The following STIM1 variants were observed in gnomAD, a reference collection of about 807,000 sequenced individuals.
The protein encoded by STIM1 is stromal interaction molecule 1.
STIM1 carries 25 observed loss-of-function variants against 74.7 expected under a neutral mutation model. That is an observed-to-expected ratio of 0.33 (90% CI 0.24 to 0.47). STIM1 has a LOEUF of 0.47. Ranked by LOEUF, STIM1 falls within the 20% of genes least tolerant of loss-of-function variation. STIM1 has a pLI of 1.00. For missense variants in STIM1, 728 were observed against 920.8 expected (o/e 0.79, Z 2.71); for synonymous variants, 328 against 348.8 (o/e 0.94, Z 0.66).
intron 2 of STIM1, among the ~76,000 whole-genome samples, chr11:3,970,910 G>T (rs1413748964): frequency 2.0e-5 from 3 of 152,128 alleles, no homozygotes; most frequent in Non-Finnish European, 4.4e-5. Flanking sequence ...AATAAAATGA[G>T]TGTAGCAAAA....
chr11:3,900,566 G>T (rs1045349497), intron 1 of STIM1, among the ~76,000 whole-genome samples: 3 of 152,262 alleles, frequency 2.0e-5, no homozygotes, highest in Middle Eastern at 3.4e-3. Context: ...GTTCCTATTC[G>T]GCCATCTTGG....
intron 7 of STIM1, 91 bp from the exon 8 acceptor site, chr11:4,082,093 C>A: frequency 7.6e-7 from 1 of 1,308,526 alleles, no homozygotes; most frequent in Non-Finnish European, 1.1e-6. Context: ...AGTTGTAAAG[C>A]AGATAAGAAG....
At chr11:3,908,637 G>T (rs1452350490) in intron 1 of STIM1, among the ~76,000 whole-genome samples, 1 of 151,040 alleles carries the variant, frequency 6.6e-6, no homozygotes, top group African/African-American at 2.4e-5. Context: ...TATTTGCCAA[G>T]ATTGCATGGC....
At chr11:4,057,869 CAAAAAAA>C (rs530122383) in intron 4 of STIM1, among the ~76,000 whole-genome samples, 1 of 58,614 alleles carries the variant, frequency 1.7e-5, no homozygotes, top group African/African-American at 6.5e-5. Context: ...GACTCCGTCT[CAAAAAAA>C]AAAAAAAAAA....
intron 1 of STIM1, among the ~76,000 whole-genome samples, chr11:3,921,446 G>T (rs1432938445): frequency 6.6e-6 from 1 of 152,168 alleles, no homozygotes; most frequent in Non-Finnish European, 1.5e-5. Flanking sequence ...ATAGTCAAAA[G>T]ATACCTGGAC....
rs138648491 is a variant in STIM1, at chr11:4,083,751, T to G, written c.1474+253T>G. On this transcript the variant is annotated intron_variant, in intron 10 of 12. Transcript: ENST00000526596. ...GCTAAGTGTGTCTCCCTTCATTCTT[T>G]TTCACTTTATTGTCCCTAACTACCA... The G allele has an allele frequency of 1.9e-3, 965 of 510,372 alleles. 4 individuals carry two copies. The highest frequency in any genetic ancestry group is 2.6e-3 in the Non-Finnish European group (741 of 284,468). 31.6% of individuals were successfully genotyped at this position (510,372 alleles called of 1,614,324 possible).
chr11:3,985,965 C>G (rs556542979), intron 2 of STIM1, among the ~76,000 whole-genome samples: 1 of 152,286 alleles, frequency 6.6e-6, no homozygotes, highest in Non-Finnish European at 1.5e-5. Flanking sequence ...TTCTTGTGTT[C>G]TTCTCCTCAC....
chr11:4,068,349 T>G (rs917774062), intron 5 of STIM1, among the ~76,000 whole-genome samples: 1 of 152,208 alleles, frequency 6.6e-6, no homozygotes, highest in Non-Finnish European at 1.5e-5. Flanking sequence ...CATGGAGTCT[T>G]GTTTGAATAA....
At chr11:4,042,064 G>A (rs2132999259) in intron 3 of STIM1, among the ~76,000 whole-genome samples, 1 of 152,322 alleles carries the variant, frequency 6.6e-6, no homozygotes, top group Middle Eastern at 3.4e-3. Flanking sequence ...GCTTCGTCTG[G>A]AGGCACCACA....
rs2093343492 is a variant in STIM1, at chr11:3,966,694, C to G, written c.140-858C>G. ...CAAAATACCTTTTTCAAATAGTGAC[C>G]TTGAGGCCTGGAGAAGAGAAATGAC... is the stretch of plus-strand genomic sequence containing the variant. On this transcript the variant is annotated intron_variant, in intron 1 of 12. Coordinates refer to ENST00000526596, the MANE Select transcript of STIM1 (RefSeq NM_001382567.1). 2.0e-5 allele frequency among the ~76,000 whole-genome samples: 3 copies of G among 152,240 alleles called. No homozygotes were observed. The South Asian group carries it at 6.2e-4, about 32-fold the overall frequency.
intron 2 of STIM1, among the ~76,000 whole-genome samples, chr11:3,987,836 C>T (rs2093571567): frequency 6.8e-6 from 1 of 147,280 alleles, no homozygotes; most frequent in South Asian, 2.1e-4. Context: ...CACACACACA[C>T]ACACACAGTG....
At chr11:4,006,544 A>G (rs1026329007) in intron 2 of STIM1, among the ~76,000 whole-genome samples, 4 of 152,170 alleles carry the variant, frequency 2.6e-5, no homozygotes, top group Non-Finnish European at 5.9e-5. Context: ...CCTCCCAGGT[A>G]GCTGGGATTA....
At chr11:4,012,921 G>A (rs1192145302) in intron 2 of STIM1, among the ~76,000 whole-genome samples, 1 of 152,182 alleles carries the variant, frequency 6.6e-6, no homozygotes, top group Non-Finnish European at 1.5e-5. Flanking sequence ...TTTATTGAGA[G>A]TGTTTAGCAT....
rs2091450186 is a variant in STIM1 at position 3,880,178 on chromosome 11, TGA to T, written c.139+23774_139+23775del. Among the ~76,000 whole-genome samples the T allele has an allele frequency of 2.0e-5, 3 of 152,356 alleles. No homozygotes were observed. The South Asian group carries it at 6.2e-4, about 32-fold the overall frequency. ...TAATCTCTCTGAGCCTTAGGGCCAC[TGA>T]GAGAATGTATTTAAGGGCCACATAA... On this transcript the variant is annotated intron_variant, in intron 1 of 12. Transcript: ENST00000526596.
At chr11:4,013,609 A>G (rs1232722661) in intron 2 of STIM1, among the ~76,000 whole-genome samples, 1 of 133,534 alleles carries the variant, frequency 7.5e-6, no homozygotes. Context: ...TATCCCCTTT[A>G]TCATTTTTTA....
At chr11:4,071,954 C>A (rs565790917) in intron 6 of STIM1, among the ~76,000 whole-genome samples, 29 of 152,296 alleles carry the variant, frequency 1.9e-4, no homozygotes, top group Non-Finnish European at 1.8e-4. Context: ...GATCTCTAAG[C>A]TGATTCCTGG....
chr11:3,895,814 TTCCTTC>T (rs2092136253), intron 1 of STIM1, among the ~76,000 whole-genome samples: 2 of 110,532 alleles, frequency 1.8e-5, no homozygotes, highest in African/African-American at 9.5e-5. Flanking sequence ...CTTTCTTTCC[TTCCTTC>T]TTTCTTTTCT....
Position 3,967,594 on chromosome 11 carries a change from A to G in STIM1, c.182A>G (p.Glu61Gly), listed in dbSNP as rs202160755. Residue 61 changes from glutamate (E) to glycine (G), a missense_variant, in exon 2 of 13, where the codon GAG (glutamate) becomes GGG (glycine). Physicochemically the swap from Glu to Gly is moderately conservative, Grantham distance 98. Coordinates refer to ENST00000526596, the MANE Select transcript of STIM1 (RefSeq NM_001382567.1). ...AAGCCCCTGTGTCACAGTGAGGATG[A>G]GAAACTCAGCTTCGAGGCAGTCCGT... ...IDKPLCHSED[E>G]KLSFEAVRNI... 152 of 1,614,086 alleles carry G rather than the reference A, an allele frequency of 9.4e-5. No individual in the cohort carries two copies. Among genetic ancestry groups the G allele is most frequent in the Non-Finnish European group, 1.3e-4 (148 of 1,180,050 alleles).
intron 1 of STIM1, among the ~76,000 whole-genome samples, chr11:3,916,491 C>T (rs2135502178): frequency 6.6e-6 from 1 of 151,544 alleles, no homozygotes; most frequent in East Asian, 1.9e-4. Context: ...ACTCTTGTCC[C>T]CCAGGGTGGA....
Sources: allele counts gnomAD v4.1 joint callset (sites outside exome capture counted in the v4.1 genomes callset), GRCh38; gene constraint gnomAD v4.1.1; transcripts MANE v1.5; gene names NCBI Gene and HGNC (gene_info 2026-07-23, HGNC 2026-07-21).